Variants in CCDC7 observed in about 807,000 individuals in gnomAD.
The protein encoded by CCDC7 is coiled-coil domain containing 7.
A neutral mutation model predicts 196.9 loss-of-function variants in CCDC7; 183 were observed. The observed-to-expected ratio is 0.93, with a 90% CI of 0.82 to 1.05. CCDC7 has a LOEUF of 1.05. CCDC7 is among the 50% of genes least tolerant of loss of function. The pLI, the probability that CCDC7 is intolerant of heterozygous loss-of-function variation, is 0.00. For synonymous variants in CCDC7, 525 were observed against 484.6 expected (o/e 1.08, Z -1.10); for missense variants, 1,540 against 1,482.2 (o/e 1.04, Z -0.64).
Position 32,462,720 on chromosome 10 carries a change from A to G in CCDC7, c.477+17A>G, listed in dbSNP as rs760747980. 1 of 1,463,096 alleles carries G rather than the reference A, an allele frequency of 6.8e-7. No homozygotes were observed. The highest frequency in any genetic ancestry group is 1.3e-5 in the South Asian group (1 of 78,490). The allele number at this position is 1,463,096 out of a possible 1,614,324, so 90.6% of individuals were successfully genotyped here. ...CTTTTTAAGGTACGTTCAATATATTACAGCTTAAGCCTACTAAAACTTAAC... is the reference window on the plus strand; with the variant it reads ...CTTTTTAAGGTACGTTCAATATATTGCAGCTTAAGCCTACTAAAACTTAAC... On this transcript the variant is annotated intron_variant, in intron 4 of 41. Coordinates refer to ENST00000639629, the Ensembl canonical transcript of CCDC7.
intron 18 of CCDC7, among the ~76,000 whole-genome samples, chr10:32,610,559 T>C (rs2062007910): frequency 6.6e-6 from 1 of 152,192 alleles, no homozygotes; most frequent in Non-Finnish European, 1.5e-5. Context: ...CTCCTAATAC[T>C]GTTCCTCCCC....
chr10:32,542,684 T>C (rs1405376661), intron 11 of CCDC7, among the ~76,000 whole-genome samples: 2 of 150,800 alleles, frequency 1.3e-5, no homozygotes, highest in Admixed American at 6.6e-5. Flanking sequence ...TCTACCTTGG[T>C]TCACCTGTAT....
At chr10:32,528,679 T>C (rs529651369) in intron 11 of CCDC7, among the ~76,000 whole-genome samples, 7 of 132,162 alleles carry the variant, frequency 5.3e-5, no homozygotes, top group East Asian at 4.2e-4. Context: ...CATATATATA[T>C]GCATATATAT....
intron 18 of CCDC7, among the ~76,000 whole-genome samples, chr10:32,605,314 C>T (rs892298078): frequency 6.6e-6 from 1 of 151,996 alleles, no homozygotes; most frequent in Non-Finnish European, 1.5e-5. Context: ...TTCTTTATAC[C>T]AAGACAGGAA....
At chr10:32,689,909 A>G (rs2076889806) in intron 23 of CCDC7, among the ~76,000 whole-genome samples, 1 of 151,960 alleles carries the variant, frequency 6.6e-6, no homozygotes, top group African/African-American at 2.4e-5. Flanking sequence ...TAATTTTTGT[A>G]TTTTTAGTAG....
At chr10:32,810,358 A>T (rs2086816765) in intron 30 of CCDC7, among the ~76,000 whole-genome samples, 1 of 152,152 alleles carries the variant, frequency 6.6e-6, no homozygotes, top group African/African-American at 2.4e-5. Flanking sequence ...AAAAGTGAGC[A>T]GGAGTAGCTG....
chr10:32,751,040 T>C (rs1312936571), intron 28 of CCDC7, among the ~76,000 whole-genome samples: 1 of 152,152 alleles, frequency 6.6e-6, no homozygotes, highest in Admixed American at 6.6e-5. Flanking sequence ...TATAACTAGT[T>C]ATGAAGGCAA....
chr10:32,574,383 A>T (rs762907770), intron 16 of CCDC7: 49 of 1,489,870 alleles, frequency 3.3e-5, no homozygotes, highest in Non-Finnish European at 4.3e-5. Context: ...TATTAAGCAC[A>T]TGGCACAATA....
intron 2 of CCDC7, among the ~76,000 whole-genome samples, chr10:32,455,010 C>G (rs1381963104): frequency 6.6e-6 from 1 of 152,186 alleles, no homozygotes; most frequent in Non-Finnish European, 1.5e-5. Flanking sequence ...ACTTAACTCT[C>G]TTGCCCTGTT....
chr10:32,753,500 A>G (rs2075965854), intron 28 of CCDC7, among the ~76,000 whole-genome samples: 1 of 152,190 alleles, frequency 6.6e-6, no homozygotes, highest in Non-Finnish European at 1.5e-5. Flanking sequence ...TGAGGAGAGT[A>G]AGACATGGAG....
intron 21 of CCDC7, among the ~76,000 whole-genome samples, chr10:32,683,161 T>C (rs1188239360): frequency 6.6e-6 from 1 of 152,188 alleles, no homozygotes; most frequent in Non-Finnish European, 1.5e-5. Flanking sequence ...ATCTTGAGTT[T>C]ATTTTTTTAT....
rs146927345 is a variant in CCDC7 at position 32,716,576 on chromosome 10, T to C, written c.2569+4846T>C. Among the ~76,000 whole-genome samples, 98 of 152,058 alleles carry C rather than the reference T, an allele frequency of 6.4e-4. 3 individuals carry two copies. The East Asian group carries it at 0.019, about 29-fold the overall frequency. ...TTAACCTTAAATGTAAATGAGAAAA[T>C]GCCTCAATTAAAAGACACAGACTGG... On this transcript the variant is annotated intron_variant, in intron 25 of 41. Coordinates refer to ENST00000639629, the Ensembl canonical transcript of CCDC7.
chr10:32,821,840 T>G (rs2135614885), intron 31 of CCDC7, among the ~76,000 whole-genome samples: 1 of 152,182 alleles, frequency 6.6e-6, no homozygotes, highest in South Asian at 2.1e-4. Context: ...GGGATAGCAT[T>G]AGGAGATATA....
chr10:32,567,968 T>G, intron 15 of CCDC7, 77 bp downstream of exon 16: 1 of 1,388,312 alleles, frequency 7.2e-7, no homozygotes, highest in Non-Finnish European at 9.5e-7. Context: ...TTACTTCATT[T>G]GTATATGTTA....
intron 24 of CCDC7, among the ~76,000 whole-genome samples, chr10:32,698,092 A>G (rs148824443): frequency 0.04 from 6,041 of 151,720 alleles, 128 homozygotes; most frequent in Middle Eastern, 0.051. Context: ...AGCAAGCTCC[A>G]GCAGACCTAC....
chr10:32,814,734 A>C (rs1020643238), intron 31 of CCDC7, among the ~76,000 whole-genome samples: 2 of 152,226 alleles, frequency 1.3e-5, no homozygotes, highest in Admixed American at 1.3e-4. Context: ...TAAAAATATC[A>C]GTCAAGTTTG....
chr10:32,697,368 C>T (rs1476732717), intron 24 of CCDC7, among the ~76,000 whole-genome samples: 1 of 152,180 alleles, frequency 6.6e-6, no homozygotes, highest in East Asian at 1.9e-4. Context: ...GCCAAAATGG[C>T]AGGACATCGC....
chr10:32,717,295 G>A (rs942224614), intron 25 of CCDC7, among the ~76,000 whole-genome samples: 1 of 152,102 alleles, frequency 6.6e-6, no homozygotes, highest in Non-Finnish European at 1.5e-5. Flanking sequence ...GGTAAATAAC[G>A]AAATGAAGGC....
Position 32,618,388 on chromosome 10 carries a change from A to T in CCDC7, c.1802-15866A>T, listed in dbSNP as rs569770700. On this transcript the variant is annotated intron_variant, in intron 18 of 41. Transcript: ENST00000639629. ...TTTTCCTCCTTTTTGTGATTATTTT[A>T]TAAAAACTAAGTTTTATATTTCTGT... 5.5e-4 allele frequency among the ~76,000 whole-genome samples: 83 copies of T among 151,766 alleles called. 1 individual carries two copies. In the South Asian group the frequency reaches 9.5e-3, roughly 17 times the overall value.
Sources: allele counts gnomAD v4.1 joint callset (sites outside exome capture counted in the v4.1 genomes callset), GRCh38; gene constraint gnomAD v4.1.1; transcripts MANE v1.5; gene names NCBI Gene and HGNC (gene_info 2026-07-23, HGNC 2026-07-21).